The following TTC19 variants were observed in gnomAD, a reference collection of about 807,000 sequenced individuals.
TTC19 encodes tetratricopeptide repeat domain 19, also known as tetratricopeptide repeat protein 19, mitochondrial.
Under a neutral mutation model 49.5 loss-of-function variants are expected in TTC19, and 38 were observed. That is an observed-to-expected ratio of 0.77 (90% CI 0.59 to 1.01). TTC19 has a LOEUF of 1.01. Among genes scored for constraint, TTC19 ranks in the 50% least tolerant of loss-of-function variants. TTC19 has a pLI of 0.00. For synonymous variants in TTC19, 204 were observed against 185.2 expected, an observed-to-expected ratio of 1.10 and a Z score of -0.83; for missense variants, 475 against 477.7, an observed-to-expected ratio of 0.99 and a Z score of 0.05.
chr17:16,039,429 G>C, intron 2 of TTC19: 2 of 1,612,672 alleles, frequency 1.2e-6, no homozygotes, highest in Non-Finnish European at 1.7e-6. Context: ...AATGAAAGCT[G>C]TACCTGAATG....
At chr17:16,001,032 T>C (rs896461595) in intron 2 of TTC19, among the ~76,000 whole-genome samples, 4 of 152,242 alleles carry the variant, frequency 2.6e-5, no homozygotes, top group African/African-American at 9.6e-5. Flanking sequence ...CTTTTGTCTA[T>C]CTCCCTTGCT....
At chr17:16,039,019 T>A (rs1452646171) in intron 2 of TTC19, among the ~76,000 whole-genome samples, 1 of 152,206 alleles carries the variant, frequency 6.6e-6, no homozygotes, top group Non-Finnish European at 1.5e-5. Flanking sequence ...TCCGCCCGCC[T>A]CCGCCCCCCA....
At chr17:16,016,919 C>T (rs1030569982) in intron 7 of TTC19, among the ~76,000 whole-genome samples, 1 of 152,074 alleles carries the variant, frequency 6.6e-6, no homozygotes, top group Non-Finnish European at 1.5e-5. Flanking sequence ...TTCTTGAACT[C>T]CTGACCTCAG....
At chr17:16,040,568 C>A in intron 2 of TTC19, 1 of 1,234,694 alleles carries the variant, frequency 8.1e-7, no homozygotes, top group Non-Finnish European at 1.2e-6. Context: ...TCAAAAAATT[C>A]CTATAATAAA....
chr17:16,000,066 C>G, intron 1 of TTC19, 34 bp downstream of exon 1: 1 of 1,317,104 alleles, frequency 7.6e-7, no homozygotes, highest in Non-Finnish European at 9.6e-7. Flanking sequence ...GCCGGCCGGG[C>G]GGGGACAGGG....
At chr17:16,024,942 C>T (rs1363383127) in intron 7 of TTC19, 75 bp from the exon 8 acceptor site, 8 of 1,350,234 alleles carry the variant, frequency 5.9e-6, no homozygotes, top group Non-Finnish European at 8.5e-6. Flanking sequence ...CATGTGGGTC[C>T]CATTCTGCTG....
intron 7 of TTC19, among the ~76,000 whole-genome samples, chr17:16,013,811 T>G (rs1971142670): frequency 6.6e-6 from 1 of 152,256 alleles, no homozygotes; most frequent in Admixed American, 6.5e-5. Context: ...GCCTTCAGAC[T>G]GAATTATCAG....
chr17:16,040,727 A>T (rs2057404894), intron 2 of TTC19: 1 of 553,768 alleles, frequency 1.8e-6, no homozygotes, highest in Non-Finnish European at 3.3e-6. Flanking sequence ...GTAAGGTAGG[A>T]ACATCAAAAG....
chr17:16,032,157 C>T, downstream of TTC19: 2 of 839,122 alleles, frequency 2.4e-6, no homozygotes, highest in Non-Finnish European at 3.4e-6. Context: ...ATCATTTCTT[C>T]ATCATCTGTG....
At chr17:16,014,796 ACTACTGTCTCC>A (rs1971167429) in intron 7 of TTC19, among the ~76,000 whole-genome samples, 1 of 152,204 alleles carries the variant, frequency 6.6e-6, no homozygotes, top group South Asian at 2.1e-4. Flanking sequence ...AGAGAGTTAT[ACTACTGTCTCC>A]CTTCCCCACC....
downstream of TTC19, chr17:16,032,542 C>A (rs2151765130): frequency 6.8e-7 from 1 of 1,476,846 alleles, no homozygotes; most frequent in South Asian, 1.4e-5. Context: ...TTCATCCAAT[C>A]CAACTTTTGT....
chr17:16,031,138 G>C (rs1971911794), downstream of TTC19: 1 of 195,522 alleles, frequency 5.1e-6, no homozygotes, highest in East Asian at 8.0e-5. Flanking sequence ...TGCACCTTGA[G>C]ACTCTGTGAA....
chr17:16,002,103 T>A (rs1281653874), intron 3 of TTC19, 78 bp downstream of exon 3: 4 of 950,604 alleles, frequency 4.2e-6, no homozygotes, highest in Non-Finnish European at 6.8e-6. Flanking sequence ...TTCTGATTTA[T>A]ATTCCTGACT....
At chr17:16,000,279 CG>C (rs1487251942) in intron 2 of TTC19, 34 bp downstream of exon 2, 1 of 1,591,984 alleles carries the variant, frequency 6.3e-7, no homozygotes, top group African/African-American at 1.3e-5. Flanking sequence ...CCCGGCCGAG[CG>C]CGGTAGCCTT....
intron 9 of TTC19, 112 bp from the exon 10 acceptor site, chr17:16,027,262 T>G: frequency 1.5e-6 from 2 of 1,299,704 alleles, no homozygotes; most frequent in Admixed American, 3.8e-5. Context: ...AGCTTGTCGC[T>G]TCATAAGCAC....
In TTC19 at chr17:16,029,133, A is replaced by C. The variant is rs1306817305; in HGVS notation, c.*1611A>C. On this transcript the variant is annotated 3_prime_UTR_variant, in exon 10 of 10. Transcript: ENST00000261647. ...GCATTGAGAATGTTTTTACCTTTTC[A>C]CAACTGCAGGGGTTACTGAAAGGTT... 1 of 451,148 alleles carries C rather than the reference A, an allele frequency of 2.2e-6. No homozygotes were observed. Among genetic ancestry groups the C allele is most frequent in the Non-Finnish European group, 4.4e-6 (1 of 226,020 alleles). 27.9% of individuals were successfully genotyped at this position (451,148 alleles called of 1,614,324 possible). A position where few individuals can be genotyped will look rare whatever the true frequency, so the allele number is the denominator to read the frequency against.
chr17:16,042,166 A>G (rs2057834999), intron 2 of TTC19, among the ~76,000 whole-genome samples: 1 of 142,280 alleles, frequency 7.0e-6, no homozygotes, highest in Non-Finnish European at 1.5e-5. Flanking sequence ...CTGACAGAGG[A>G]GAAAAGTCCT....
rs1036983538 is a variant in TTC19, at chr17:16,000,068, G to GGGACAGGGGCGCGGGCCGGGCCC, written c.184+38_185-26dup. 5 of 1,321,468 alleles carry GGGACAGGGGCGCGGGCCGGGCCC rather than the reference G, an allele frequency of 3.8e-6. No homozygotes were observed. In the African/African-American group the frequency reaches 7.8e-5, roughly 21 times the overall value. The allele number at this position is 1,321,468 out of a possible 1,614,324, so 81.9% of individuals were successfully genotyped here. On this transcript the variant is annotated intron_variant, in intron 1 of 9. Transcript: ENST00000261647. ...CGGGCCGGGCGGGGCCGGCCGGGCG[G>GGGACAGGGGCGCGGGCCGGGCCC]GGACAGGGGCGCGGGCCGGGCCCGA... is the stretch of plus-strand genomic sequence containing the variant.
In TTC19 at chr17:15,999,999, G is replaced by T; in HGVS notation, c.151G>T (p.Gly51Cys). 1 of 1,258,534 alleles carries T rather than the reference G, an allele frequency of 7.9e-7. No homozygotes were observed. The highest frequency in any genetic ancestry group is 1.0e-6 in the Non-Finnish European group (1 of 1,004,182). 78.0% of individuals were successfully genotyped at this position (1,258,534 alleles called of 1,614,324 possible). The change falls in exon 1 of 10, where the codon GGC becomes TGC. Residue 51 changes from glycine (G) to cysteine (C), a missense_variant. Gly to Cys is a radical substitution (Grantham distance 159). Transcript: ENST00000261647. ...QVPPSRVAPH[G>C]RGPGLLPLLA... is the part of the protein sequence containing the mutation. ...GCCGCCATCCCGAGTCGCGCCGCACGGCCGGGGCCCAGGCCTGCTGCCGCT... is the reference window on the plus strand; with the variant it reads ...GCCGCCATCCCGAGTCGCGCCGCACTGCCGGGGCCCAGGCCTGCTGCCGCT...
Sources: allele counts gnomAD v4.1 joint callset (sites outside exome capture counted in the v4.1 genomes callset), GRCh38; gene constraint gnomAD v4.1.1; transcripts MANE v1.5; gene names NCBI Gene and HGNC (gene_info 2026-07-23, HGNC 2026-07-21).